The following COL4A3 variants were observed in gnomAD, a reference collection of about 807,000 sequenced individuals.
COL4A3 encodes the protein collagen alpha-3(IV) chain.
COL4A3 carries 135 observed loss-of-function variants against 217.4 expected under a neutral mutation model. The ratio of observed to expected loss-of-function variants is 0.62; its 90% CI spans 0.54 to 0.72. The LOEUF (loss-of-function observed/expected upper bound fraction) is 0.72. Ranked by LOEUF, COL4A3 falls within the 30% of genes least tolerant of loss-of-function variation. The pLI is 0.00. For synonymous variants in COL4A3, 690 were observed against 736.3 expected, an observed-to-expected ratio of 0.94 and a Z score of 1.02; for missense variants, 1,868 against 2,119.9, an observed-to-expected ratio of 0.88 and a Z score of 2.33.
intron 1 of COL4A3, among the ~76,000 whole-genome samples, chr2:227,165,270 G>C (rs1234614759): frequency 1.3e-5 from 2 of 152,124 alleles, no homozygotes; most frequent in Non-Finnish European, 2.9e-5. Flanking sequence ...TAGCTGGGAC[G>C]TCACACTAAA....
chr2:227,257,591 C>A lies in COL4A3; in HGVS notation c.988-12C>A. ...GACCATATTCACAATTTGTAAATGT[C>A]TTTCACTGTAGGGACAGAAAGGGGA... On this transcript the variant is annotated splice_polypyrimidine_tract_variant and intron_variant, in intron 17 of 51. Transcript: ENST00000396578. The A allele has an allele frequency of 1.2e-6, 2 of 1,613,104 alleles. No individual in the cohort carries two copies. The highest frequency in any genetic ancestry group is 1.7e-6 in the Non-Finnish European group (2 of 1,179,084).
intron 1 of COL4A3, among the ~76,000 whole-genome samples, chr2:227,219,075 A>G (rs920120797): frequency 1.3e-5 from 2 of 151,792 alleles, no homozygotes; most frequent in African/African-American, 4.8e-5. Flanking sequence ...GCTCACTGCA[A>G]CCTCCACCTC....
chr2:227,277,331 A>T, intron 27 of COL4A3, 118 bp from the exon 28 acceptor site: 1 of 728,772 alleles, frequency 1.4e-6, no homozygotes, highest in Non-Finnish European at 2.4e-6. Flanking sequence ...GGAAAAAAAA[A>T]AAAAAAAAAC....
intron 1 of COL4A3, among the ~76,000 whole-genome samples, chr2:227,180,579 C>T (rs909441240): frequency 6.6e-6 from 1 of 152,180 alleles, no homozygotes; most frequent in Non-Finnish European, 1.5e-5. Context: ...AAGAACCCTT[C>T]ATCATGGTCC....
rs56065709 is a variant in COL4A3 at position 227,302,677 on chromosome 2, C to CAAAAAAAAAAAAAAAAAAAAAAAAAAAAA, written c.3883-360_3883-332dup. On this transcript the variant is annotated intron_variant, in intron 43 of 51. Coordinates refer to ENST00000396578, the MANE Select transcript of COL4A3 (RefSeq NM_000091.5). ...GGAGGACAAAACGAGACTCTTTCTC[C>CAAAAAAAAAAAAAAAAAAAAAAAAAAAAA]AAAAAAAAAAAAAAAAAAAAAAAAA... Among the ~76,000 whole-genome samples the CAAAAAAAAAAAAAAAAAAAAAAAAAAAAA allele has an allele frequency of 3.5e-4, 28 of 79,914 alleles. 1 individual carries two copies. Among genetic ancestry groups the CAAAAAAAAAAAAAAAAAAAAAAAAAAAAA allele is most frequent in the Non-Finnish European group, 4.2e-4 (19 of 45,770 alleles). 52.4% of individuals were successfully genotyped at this position (79,914 alleles called of 152,430 possible).
chr2:227,281,937 G>A (rs2071990972), intron 31 of COL4A3: 1 of 152,678 alleles, frequency 6.5e-6, no homozygotes, highest in Admixed American at 6.5e-5. Flanking sequence ...TAAGTGTGCA[G>A]TTACCCCAAA....
chr2:227,306,766 G>A (rs1417727139), intron 47 of COL4A3, among the ~76,000 whole-genome samples: 1 of 152,032 alleles, frequency 6.6e-6, no homozygotes, highest in Non-Finnish European at 1.5e-5. Flanking sequence ...ATGTCCCAGG[G>A]GCAACAAAAC....
At chr2:227,296,454 T>G in intron 41 of COL4A3, 1 of 954,378 alleles carries the variant, frequency 1.0e-6, no homozygotes, top group Non-Finnish European at 1.2e-6. Flanking sequence ...CCTAATTATG[T>G]AAGTGAATGA....
chr2:227,243,465 C>T (rs374379649), intron 3 of COL4A3, among the ~76,000 whole-genome samples: 2 of 152,300 alleles, frequency 1.3e-5, no homozygotes, highest in Middle Eastern at 3.4e-3. Context: ...TTCGGCATCA[C>T]GTGAATAGAA....
Position 227,245,991 on chromosome 2 carries a change from G to A in COL4A3, c.362G>A (p.Gly121Asp), listed in dbSNP as rs1230199187. The A allele has an allele frequency of 6.2e-7, 1 of 1,613,722 alleles. No individual in the cohort carries two copies. The highest frequency in any genetic ancestry group is 8.5e-7 in the Non-Finnish European group (1 of 1,179,766). Residue 121 changes from glycine to aspartate, a missense_variant, in exon 6 of 52, where the codon GGT becomes GAT. Coordinates refer to ENST00000396578, the MANE Select transcript of COL4A3 (RefSeq NM_000091.5). Reference protein sequence around the residue: ...PGNTGPYGLVGVPGCSGSKGE... With the variant: ...PGNTGPYGLVDVPGCSGSKGE... Reference sequence around the variant, plus strand: ...AATACCGGGCCTTACGGACTTGTCGGTGTACCAGGATGCAGTGGTTCTAAG... The same window carrying A: ...AATACCGGGCCTTACGGACTTGTCGATGTACCAGGATGCAGTGGTTCTAAG...
At chr2:227,308,004 T>C (rs562492660) in intron 48 of COL4A3, 85 bp downstream of exon 48, 11 of 1,227,120 alleles carry the variant, frequency 9.0e-6, no homozygotes, top group Admixed American at 1.8e-5. Flanking sequence ...CCCTCTGAAG[T>C]TAAGTGTAAA....
chr2:227,195,863 C>T lies in COL4A3; in HGVS notation c.87+31050C>T, dbSNP rs976378800. Among the ~76,000 whole-genome samples the T allele has an allele frequency of 6.6e-5, 10 of 151,104 alleles. No homozygotes were observed. In the South Asian group the frequency reaches 1.0e-3, roughly 16 times the overall value. On this transcript the variant is annotated intron_variant, in intron 1 of 51. Transcript: ENST00000396578. ...AGACAGTAGTATTGATGATCCCGACCGTGTATAGGCCTAGGCTAATGTGTG... is the reference window on the plus strand; with the variant it reads ...AGACAGTAGTATTGATGATCCCGACTGTGTATAGGCCTAGGCTAATGTGTG...
Position 227,191,307 on chromosome 2 carries a change from A to G in COL4A3, c.87+26494A>G, listed in dbSNP as rs903156858. Among the ~76,000 whole-genome samples the G allele has an allele frequency of 5.9e-5, 9 of 152,278 alleles. No homozygotes were observed. Among genetic ancestry groups the G allele is most frequent in the Admixed American group, 4.6e-4 (7 of 15,292 alleles). On this transcript the variant is annotated intron_variant, in intron 1 of 51. Transcript: ENST00000396578. This position sits in a 1 kb window ranked among gnomAD's most constrained non-coding sequence, Gnocchi z 6.8. ...GGATTTTTTTTTTGTAAAGGACGCAAAAGTTTAAGACTGTTGGCATATACA... is the reference window on the plus strand; with the variant it reads ...GGATTTTTTTTTTGTAAAGGACGCAGAAGTTTAAGACTGTTGGCATATACA...
chr2:227,229,050 G>C (rs2068248111), intron 1 of COL4A3, among the ~76,000 whole-genome samples: 1 of 152,188 alleles, frequency 6.6e-6, no homozygotes, highest in Non-Finnish European at 1.5e-5. Flanking sequence ...AGGTGAGGTG[G>C]CAGAGCTGGG....
intron 1 of COL4A3, among the ~76,000 whole-genome samples, chr2:227,224,982 G>A (rs1334295133): frequency 6.6e-6 from 1 of 152,138 alleles, no homozygotes; most frequent in Non-Finnish European, 1.5e-5. Flanking sequence ...CGCGATTACA[G>A]CTCACTGTGG....
intron 20 of COL4A3, among the ~76,000 whole-genome samples, chr2:227,262,970 C>T (rs1574725885): frequency 1.3e-5 from 2 of 152,142 alleles, no homozygotes; most frequent in African/African-American, 4.8e-5. Flanking sequence ...ATGATAAATA[C>T]TTGGGTCAAA....
At chr2:227,260,237 A>T (rs549989955) in intron 19 of COL4A3, among the ~76,000 whole-genome samples, 1 of 152,216 alleles carries the variant, frequency 6.6e-6, no homozygotes, top group Admixed American at 6.5e-5. Context: ...GCAAGGGGGA[A>T]CTGAAACCCT....
At chr2:227,244,533 G>A (rs1295498324) in intron 4 of COL4A3, among the ~76,000 whole-genome samples, 169 bp downstream of exon 4, 2 of 152,150 alleles carry the variant, frequency 1.3e-5, no homozygotes, top group South Asian at 4.2e-4. Flanking sequence ...TACCACATTA[G>A]GGGCAAGTGT....
intron 40 of COL4A3, 86 bp from the exon 41 acceptor site, chr2:227,295,183 T>C: frequency 6.6e-7 from 1 of 1,519,028 alleles, no homozygotes; most frequent in Non-Finnish European, 9.1e-7. Flanking sequence ...CTTTAACATG[T>C]TTTCGGTGTG....
Sources: allele counts gnomAD v4.1 joint callset (sites outside exome capture counted in the v4.1 genomes callset), GRCh38; gene constraint gnomAD v4.1.1; non-coding constraint Gnocchi (gnomAD v3.1); transcripts MANE v1.5; gene names NCBI Gene and HGNC (gene_info 2026-07-23, HGNC 2026-07-21).